The following ATAD2B variants were observed in gnomAD, a reference collection of about 807,000 sequenced individuals.
The protein encoded by ATAD2B is ATPase family AAA domain-containing protein 2B.
Under a neutral mutation model 167.6 loss-of-function variants are expected in ATAD2B, and 40 were observed. That is an observed-to-expected ratio of 0.24 (90% confidence interval 0.19 to 0.31). The LOEUF is 0.31. Among genes scored for constraint, ATAD2B ranks in the 10% least tolerant of loss-of-function variants. The probability of loss-of-function intolerance (pLI) is 1.00; values close to 1 mark genes in which losing one functional copy is unlikely to be tolerated. For missense variants in ATAD2B, 1,242 were observed against 1,757.2 expected (o/e 0.71, Z 5.24); for synonymous variants, 579 against 596.5 (o/e 0.97, Z 0.43).
downstream of ATAD2B, among the ~76,000 whole-genome samples, chr2:23,747,312 T>C (rs1404087652): frequency 2.6e-5 from 4 of 151,328 alleles, no homozygotes; most frequent in Non-Finnish European, 5.9e-5. Context: ...TATATACATA[T>C]GTGTAATATA....
intron 6 of ATAD2B, 107 bp from the exon 7 acceptor site, chr2:23,880,862 A>G: frequency 1.5e-6 from 1 of 686,870 alleles, no homozygotes; most frequent in South Asian, 1.8e-5. Flanking sequence ...CTCTTTCTGC[A>G]CAGGTGACAT....
At chr2:23,704,741 T>A in the ATAD2B span, among the ~76,000 whole-genome samples, 2 of 152,144 alleles carry the variant, frequency 1.3e-5, no homozygotes, top group African/African-American at 4.8e-5. Context: ...CACTCCAGCC[T>A]GGGTGACAGG....
chr2:23,737,163 A>C, the ATAD2B span, among the ~76,000 whole-genome samples: 1 of 152,222 alleles, frequency 6.6e-6, no homozygotes, highest in Non-Finnish European at 1.5e-5. Flanking sequence ...ACCTCTGCAG[A>C]CTTAAATGTC....
the ATAD2B span, among the ~76,000 whole-genome samples, chr2:23,680,309 C>A: frequency 6.6e-6 from 1 of 151,970 alleles, no homozygotes; most frequent in South Asian, 2.1e-4. This position sits in a 1 kb window ranked among gnomAD's most constrained non-coding sequence, Gnocchi z 4.1. Context: ...CCGTCTTCCA[C>A]GGGAAGAGGA....
In ATAD2B at chr2:23,749,466, C is replaced by A. The variant is rs1043112272; in HGVS notation, c.*2580G>T. ...AATGAAAAACTTACAGAAAGGTAAA[C>A]AAAATTGAGTCCACTTTTTTAATTT... On this transcript the variant is annotated 3_prime_UTR_variant, in exon 28 of 28. Coordinates refer to ENST00000238789, the MANE Select transcript of ATAD2B (RefSeq NM_017552.4). 2 of 152,078 alleles carry A rather than the reference C, an allele frequency of 1.3e-5. No homozygotes were observed. Among genetic ancestry groups the A allele is most frequent in the Non-Finnish European group, 2.9e-5 (2 of 67,996 alleles). 9.4% of individuals were successfully genotyped at this position (152,078 alleles called of 1,614,324 possible). A position where few individuals can be genotyped will look rare whatever the true frequency, so the allele number is the denominator to read the frequency against.
intron 10 of ATAD2B, 111 bp downstream of exon 10, chr2:23,867,724 C>A: frequency 1.4e-6 from 1 of 731,998 alleles, no homozygotes; most frequent in Non-Finnish European, 2.3e-6. Flanking sequence ...TACATCGAAA[C>A]ATTAACACTG....
At chr2:23,753,107 A>G (rs1675547151) in intron 27 of ATAD2B, among the ~76,000 whole-genome samples, 1 of 152,164 alleles carries the variant, frequency 6.6e-6, no homozygotes, top group Admixed American at 6.6e-5. Flanking sequence ...CCTTCCCTTT[A>G]AACAGCTCCA....
At chr2:23,697,135 A>G in the ATAD2B span, 12 of 152,478 alleles carry the variant, frequency 7.9e-5, no homozygotes, top group African/African-American at 2.7e-4. Flanking sequence ...CCAAAGGACC[A>G]CGTGTGAACC....
chr2:23,881,653 G>A (rs576202550), intron 6 of ATAD2B, among the ~76,000 whole-genome samples: 23 of 148,330 alleles, frequency 1.6e-4, no homozygotes, highest in African/African-American at 5.5e-4. Flanking sequence ...GAGCCACCGC[G>A]CCCAGCTATA....
At chr2:23,828,070 G>A (rs1688505622) in intron 15 of ATAD2B, among the ~76,000 whole-genome samples, 1 of 151,124 alleles carries the variant, frequency 6.6e-6, no homozygotes, top group Non-Finnish European at 1.5e-5. Flanking sequence ...CATGAAGATT[G>A]GGTTTTTTTT....
rs535648719 is a variant in ATAD2B, at chr2:23,762,411, A to T, written c.3257-65T>A. The stretch of plus-strand genomic sequence containing the variant: ...CAGCTACATAAACCAAAAGGTTTTT[A>T]AAAAAATCTCAAATACAAAACTGAG... On this transcript the variant is annotated intron_variant, in intron 23 of 27. Coordinates refer to ENST00000238789, the MANE Select transcript of ATAD2B (RefSeq NM_017552.4). The T allele has an allele frequency of 9.1e-4, 1,366 of 1,496,406 alleles. 1 individual carries two copies. Among genetic ancestry groups the T allele is most frequent in the African/African-American group, 1.3e-3 (92 of 70,492 alleles). The allele number at this position is 1,496,406 out of a possible 1,614,324, so 92.7% of individuals were successfully genotyped here. A position where few individuals can be genotyped will look rare whatever the true frequency, so the allele number is the denominator to read the frequency against.
At chr2:23,905,208 A>G (rs765086343) in intron 1 of ATAD2B, among the ~76,000 whole-genome samples, 4 of 152,334 alleles carry the variant, frequency 2.6e-5, no homozygotes, top group Non-Finnish European at 4.4e-5. Flanking sequence ...TAAGAAAGAG[A>G]CAATGTAGGT....
intron 18 of ATAD2B, among the ~76,000 whole-genome samples, chr2:23,807,824 A>T (rs77436624): frequency 0.47 from 59,346 of 126,192 alleles, 14,913 homozygotes; most frequent in East Asian, 0.79. Flanking sequence ...TTAAAAAAAA[A>T]AAAAATATAT....
In ATAD2B at chr2:23,750,142, C is replaced by T. The variant is rs1415312764; in HGVS notation, c.*1904G>A. 3.3e-5 allele frequency: 5 copies of T among 152,048 alleles called. No individual in the cohort carries two copies. Among genetic ancestry groups the T allele is most frequent in the Admixed American group, 3.3e-4 (5 of 15,256 alleles). The allele number at this position is 152,048 out of a possible 1,614,324, so 9.4% of individuals were successfully genotyped here. A position where few individuals can be genotyped will look rare whatever the true frequency, so the allele number is the denominator to read the frequency against. ...ATACTAAAGAAAGCATGAAAATCCT[C>T]CCAATAATCAAATTAGAGGTTTCAA... On this transcript the variant is annotated 3_prime_UTR_variant, in exon 28 of 28. Coordinates refer to ENST00000238789, the MANE Select transcript of ATAD2B (RefSeq NM_017552.4).
chr2:23,872,978 C>A, intron 8 of ATAD2B: 1 of 739,434 alleles, frequency 1.4e-6, no homozygotes, highest in Non-Finnish European at 2.5e-6. Flanking sequence ...CAGGTGCTCT[C>A]ACTGGGCCAG....
In ATAD2B at chr2:23,863,416, C is replaced by G; in HGVS notation, c.1444G>C (p.Glu482Gln). The G allele has an allele frequency of 6.4e-7, 1 of 1,552,284 alleles. No homozygotes were observed. The highest frequency in any genetic ancestry group is 8.7e-7 in the Non-Finnish European group (1 of 1,147,132). Residue 482 changes from glutamate (E) to glutamine (Q), a missense_variant, in exon 12 of 28, where the codon GAA (glutamate) becomes CAA (glutamine). Transcript: ENST00000238789. ...GADCLSKWVG[E>Q]SERQLRLLFD... ...AGAAGCCTAAGTTGCCTTTCAGATT[C>G]ACCAACCCACTTGCTCAAACAATCT... is the stretch of plus-strand genomic sequence containing the variant.
chr2:23,819,930 T>A, intron 16 of ATAD2B, 48 bp from the exon 17 acceptor site: 1 of 1,375,938 alleles, frequency 7.3e-7, no homozygotes, highest in Non-Finnish European at 9.8e-7. Flanking sequence ...AGTCATTTAA[T>A]ATTCGTGCCC....
the ATAD2B span, among the ~76,000 whole-genome samples, chr2:23,687,719 C>T: frequency 2.6e-5 from 4 of 152,202 alleles, no homozygotes; most frequent in East Asian, 1.9e-4. Context: ...GGGCATTGTC[C>T]GGGCAGACAA....
At chr2:23,684,608 C>T in the ATAD2B span, 6 of 1,385,016 alleles carry the variant, frequency 4.3e-6, no homozygotes, top group Non-Finnish European at 5.8e-6. This position sits in a 1 kb window ranked among gnomAD's most constrained non-coding sequence, Gnocchi z 4.4. Flanking sequence ...TTTCTCTTCC[C>T]CTCTCTTGCA....
Sources: allele counts gnomAD v4.1 joint callset (sites outside exome capture counted in the v4.1 genomes callset), GRCh38; gene constraint gnomAD v4.1.1; non-coding constraint Gnocchi (gnomAD v3.1); transcripts MANE v1.5; gene names NCBI Gene and HGNC (gene_info 2026-07-23, HGNC 2026-07-21).